RNF14: variants seen among roughly 807,000 people sequenced by gnomAD.
The protein encoded by RNF14 is E3 ubiquitin-protein ligase RNF14.
Under a neutral mutation model 52.6 loss-of-function variants are expected in RNF14, and 26 were observed. The ratio of observed to expected loss-of-function variants is 0.49; its 90% CI spans 0.36 to 0.69. The LOEUF is 0.69. Ranked by LOEUF, RNF14 falls within the 30% of genes least tolerant of loss-of-function variation. RNF14 has a pLI of 0.00. For synonymous variants in RNF14, 194 were observed against 202.0 expected, an observed-to-expected ratio of 0.96 and a Z score of 0.34; for missense variants, 404 against 560.4, an observed-to-expected ratio of 0.72 and a Z score of 2.82.
rs868625006 is a variant in RNF14, at chr5:141,987,899, C to T, written c.*109C>T. 1.3e-4 allele frequency: 123 copies of T among 976,268 alleles called. No individual in the cohort carries two copies. Among genetic ancestry groups the T allele is most frequent in the Middle Eastern group, 3.3e-4 (1 of 3,054 alleles). The allele number at this position is 976,268 out of a possible 1,614,324, so 60.5% of individuals were successfully genotyped here. On this transcript the variant is annotated 3_prime_UTR_variant, in exon 9 of 9. Transcript: ENST00000394520. ...GGGTACTATTCATTCACTCTTCCTG[C>T]GTAGAAGATATGGAAGAACGAGGTT...
chr5:141,983,399 A>T lies in RNF14; in HGVS notation c.1083A>T (p.Arg361=). Reference sequence around the variant, plus strand: ...TTGTAGAGAAATTAATGGACTTACGAAATGAATACCTGCAAGCGGATGAGG... The same window carrying T: ...TTGTAGAGAAATTAATGGACTTACGTAATGAATACCTGCAAGCGGATGAGG... ...KVTAEKLMDL[R]NEYLQADEAN... is the part of the protein sequence containing the mutation. Residue 361 remains arginine (R), a synonymous_variant, in exon 7 of 9, where the codon CGA becomes CGT. Coordinates refer to ENST00000394520, the MANE Select transcript of RNF14 (RefSeq NM_004290.5). The T allele has an allele frequency of 6.2e-7, 1 of 1,612,928 alleles. No homozygotes were observed. Among genetic ancestry groups the T allele is most frequent in the Non-Finnish European group, 8.5e-7 (1 of 1,179,692 alleles).
At chr5:141,955,149 CTG>C, upstream of RNF14, 7 of 1,614,216 alleles carry the variant, frequency 4.3e-6, no homozygotes, top group Non-Finnish European at 5.1e-6. This position sits in a 1 kb window ranked among gnomAD's most constrained non-coding sequence, Gnocchi z 5.5. Context: ...CTGGTGGCCT[CTG>C]TGGGGCTTCC....
intron 1 of RNF14, among the ~76,000 whole-genome samples, chr5:141,970,301 G>T (rs970511462): frequency 3.9e-5 from 6 of 152,142 alleles, no homozygotes; most frequent in African/African-American, 1.2e-4. Context: ...CCACTGGCAG[G>T]CTTAATTCAT....
rs369401378 is a variant in RNF14 at position 141,980,246 on chromosome 5, C to T, written c.958C>T (p.Gln320Ter). The T allele has an allele frequency of 6.2e-7, 1 of 1,614,244 alleles. No homozygotes were observed. The highest frequency in any genetic ancestry group is 2.2e-5 in the East Asian group (1 of 44,882). The change falls in exon 6 of 9, where the codon CAG becomes TAG. Residue 320 changes from glutamine to a stop codon, truncating the protein, a stop_gained. Transcript: ENST00000394520. LOFTEE classifies it high-confidence loss of function. ...GCCGTGCTGCCAGCTGCCTGTGATG[C>T]AGGAACCTGGCTGCACCATGGGTAT... ...PRPCCQLPVM[Q>*]EPGCTMGICS...
intron 5 of RNF14, among the ~76,000 whole-genome samples, chr5:141,979,645 C>A (rs1754589169): frequency 1.3e-5 from 2 of 152,160 alleles, no homozygotes. Flanking sequence ...CACCTATAAT[C>A]CCAGCACTTT....
chr5:141,951,403 T>C, the RNF14 span: 1 of 961,766 alleles, frequency 1.0e-6, no homozygotes, highest in Non-Finnish European at 1.7e-6. Context: ...GTCTGACTTG[T>C]GCTCACCCTT....
chr5:141,967,110 T>C (rs1232338413), upstream of RNF14, among the ~76,000 whole-genome samples: 1 of 152,220 alleles, frequency 6.6e-6, no homozygotes, highest in Admixed American at 6.5e-5. Flanking sequence ...AAGTGATTAT[T>C]TCTATTTCAA....
the RNF14 span, chr5:141,949,728 G>A: frequency 5.5e-5 from 46 of 835,180 alleles, no homozygotes; most frequent in South Asian, 6.0e-5. Context: ...CCTGGATCAT[G>A]TGATTCCCGC....
Position 141,984,932 on chromosome 5 carries a change from C to G in RNF14, c.1366C>G (p.Arg456Gly). Residue 456 changes from arginine to glycine, a missense_variant and splice_region_variant, in exon 8 of 9, where the codon CGG becomes GGG. By Grantham distance (125) the Arg-to-Gly change is moderately radical. Coordinates refer to ENST00000394520, the MANE Select transcript of RNF14 (RefSeq NM_004290.5). ...FNDPGSPCFNRLFYAVDVDDD... is the reference protein window; with the variant it reads ...FNDPGSPCFNGLFYAVDVDDD... ...TGACCCTGGTTCACCATGTTTTAAC[C>G]GGTATGTATACACAGAATTCCTCAG... 1 of 1,613,418 alleles carries G rather than the reference C, an allele frequency of 6.2e-7. No homozygotes were observed. Among genetic ancestry groups the G allele is most frequent in the Non-Finnish European group, 8.5e-7 (1 of 1,179,488 alleles).
upstream of RNF14, chr5:141,957,178 G>C (rs765289346): frequency 6.2e-7 from 1 of 1,614,170 alleles, no homozygotes; most frequent in South Asian, 1.1e-5. The surrounding 1 kb of genome is among the most constrained non-coding windows in gnomAD (Gnocchi z 4.3). Flanking sequence ...GCTGGTACCT[G>C]ACTTGGGGGG....
rs139827419 is a variant in RNF14 at position 141,976,307 on chromosome 5, GCGTGCATGCA to G, written c.306+1364_306+1373del. On this transcript the variant is annotated intron_variant, in intron 4 of 8. Coordinates refer to ENST00000394520, the MANE Select transcript of RNF14 (RefSeq NM_004290.5). ...TTTCATACTTTACATCCACGCATGT[GCGTGCATGCA>G]CGTGCATGCACACACACGCACAAAA... Among the ~76,000 whole-genome samples the G allele has an allele frequency of 5.0e-3, 765 of 152,250 alleles. 4 individuals are homozygous for G. Among genetic ancestry groups the G allele is most frequent in the Admixed American group, 7.7e-3 (118 of 15,308 alleles).
At chr5:141,956,890 T>C (rs370612559), upstream of RNF14, 201 of 1,614,064 alleles carry the variant, frequency 1.2e-4, 1 homozygote, top group Non-Finnish European at 1.6e-4. Flanking sequence ...TGCCTGAACA[T>C]CCACCTCGTA....
chr5:141,980,802 T>C (rs1287617123), intron 6 of RNF14, among the ~76,000 whole-genome samples: 1 of 152,204 alleles, frequency 6.6e-6, no homozygotes, highest in Non-Finnish European at 1.5e-5. Context: ...AAATTCTATA[T>C]ACAAACATGG....
At chr5:141,979,668 T>C (rs1244553889) in intron 5 of RNF14, among the ~76,000 whole-genome samples, 1 of 152,136 alleles carries the variant, frequency 6.6e-6, no homozygotes, top group Admixed American at 6.5e-5. Flanking sequence ...GAGGCCAAGA[T>C]AGGAGGATCG....
chr5:141,965,049 C>T (rs1466627466), upstream of RNF14, among the ~76,000 whole-genome samples: 1 of 152,154 alleles, frequency 6.6e-6, no homozygotes, highest in Non-Finnish European at 1.5e-5. Flanking sequence ...GTCAGGGACA[C>T]TTCTGTACTG....
At chr5:141,951,880 C>T in the RNF14 span, among the ~76,000 whole-genome samples, 1 of 152,250 alleles carries the variant, frequency 6.6e-6, no homozygotes, top group African/African-American at 2.4e-5. Flanking sequence ...ACCTGGTGGA[C>T]TCTGAGAGAT....
rs58804572 is a variant in RNF14, at chr5:141,971,636, CTT to C, written c.-7+780_-7+781del. Among the ~76,000 whole-genome samples the C allele has an allele frequency of 8.1e-3, 942 of 116,904 alleles. 3 individuals carry two copies. Among genetic ancestry groups the C allele is most frequent in the African/African-American group, 0.034 (882 of 25,828 alleles). The allele number at this position is 116,904 out of a possible 152,430, so 76.7% of individuals were successfully genotyped here. ...CCTTTCTTTCTTCTTTCTTTCTTTC[CTT>C]TTTTTTTTTTTTTTTTTTTTGGAGA... is the stretch of plus-strand genomic sequence containing the variant. On this transcript the variant is annotated intron_variant, in intron 2 of 8. Coordinates refer to ENST00000394520, the MANE Select transcript of RNF14 (RefSeq NM_004290.5).
upstream of RNF14, among the ~76,000 whole-genome samples, chr5:141,966,006 C>T (rs1441573943): frequency 2.0e-5 from 3 of 150,932 alleles, no homozygotes; most frequent in East Asian, 3.9e-4. Context: ...GTGGCCCAGG[C>T]GCCGTGGCTC....
upstream of RNF14, chr5:141,956,217 A>G (rs753562763): frequency 5.6e-6 from 9 of 1,614,100 alleles, no homozygotes; most frequent in African/African-American, 1.1e-4. Context: ...CACTGGATGC[A>G]AGCATGGGTT....
Sources: allele counts gnomAD v4.1 joint callset (sites outside exome capture counted in the v4.1 genomes callset), GRCh38; gene constraint gnomAD v4.1.1; non-coding constraint Gnocchi (gnomAD v3.1); transcripts MANE v1.5; gene names NCBI Gene and HGNC (gene_info 2026-07-23, HGNC 2026-07-21).